Variants in OR51A4 observed in about 807,000 individuals in gnomAD.
OR51A4 encodes the protein olfactory receptor 51A4.
For synonymous variants in OR51A4, 96 were observed against 141.5 expected (o/e 0.68, Z 2.28); for missense variants, 243 against 364.0 (o/e 0.67, Z 2.70).
chr11:4,944,266 C>G lies in OR51A4; in HGVS notation c.*1893G>C, dbSNP rs1589946748. ...TAAAATGTATTCAAGATAATACTAT[C>G]CTGGAGCATCAGAGATTAGGTTTGA... On this transcript the variant is annotated 3_prime_UTR_variant, in exon 2 of 2. Coordinates refer to ENST00000641898, the MANE Select transcript of OR51A4 (RefSeq NM_001005329.2). The G allele has an allele frequency of 4.3e-6, 1 of 230,018 alleles. No homozygotes were observed. Among genetic ancestry groups the G allele is most frequent in the East Asian group, 1.4e-4 (1 of 7,314 alleles). The allele number at this position is 230,018 out of a possible 1,614,324, so 14.2% of individuals were successfully genotyped here.
rs756464920 is a variant in OR51A4, at chr11:4,944,149, A to G, written c.*2010T>C. On this transcript the variant is annotated 3_prime_UTR_variant, in exon 2 of 2. Transcript: ENST00000641898. Reference sequence around the variant, plus strand: ...TAGATAGATACAGTTATGCACCTCAAACATAGGAACAGTTCTTGCCCTGAT... The same window carrying G: ...TAGATAGATACAGTTATGCACCTCAGACATAGGAACAGTTCTTGCCCTGAT... 4.4e-6 allele frequency: 2 copies of G among 453,814 alleles called. No individual in the cohort carries two copies. The highest frequency in any genetic ancestry group is 3.1e-5 in the South Asian group (2 of 63,848). 28.1% of individuals were successfully genotyped at this position (453,814 alleles called of 1,614,324 possible).
rs1243326097 is a variant in OR51A4, at chr11:4,947,384, T to A, written c.-63+161A>T. On this transcript the variant is annotated intron_variant, in intron 1 of 1. Coordinates refer to ENST00000641898, the MANE Select transcript of OR51A4 (RefSeq NM_001005329.2). ...TTTTGTATTTAGTTACGCATCTGATTTCATTTTTTCCTGTAAAATATTAGT... is the reference window on the plus strand; with the variant it reads ...TTTTGTATTTAGTTACGCATCTGATATCATTTTTTCCTGTAAAATATTAGT... 1.6e-5 allele frequency among the ~76,000 whole-genome samples: 2 copies of A among 125,460 alleles called. 1 individual carries two copies. The highest frequency in any genetic ancestry group is 3.6e-5 in the Non-Finnish European group (2 of 55,316). The allele number at this position is 125,460 out of a possible 152,430, so 82.3% of individuals were successfully genotyped here.
chr11:4,943,473 C>T lies in OR51A4; in HGVS notation c.*2686G>A, dbSNP rs753321027. The T allele has an allele frequency of 7.0e-5, 32 of 455,946 alleles. No homozygotes were observed. The highest frequency in any genetic ancestry group is 6.4e-4 in the Admixed American group (27 of 42,508). 28.2% of individuals were successfully genotyped at this position (455,946 alleles called of 1,614,324 possible). On this transcript the variant is annotated 3_prime_UTR_variant, in exon 2 of 2. Transcript: ENST00000641898. ...TTAATCATTTGTTATTTGATAGTTA[C>T]ATTTAGACTAAGGTTTTTTTAATGC...
chr11:4,946,330 G>T lies in OR51A4; in HGVS notation c.771C>A (p.Ile257=). Residue 257 remains isoleucine, a synonymous_variant, in exon 2 of 2, where the codon ATC becomes ATA. Transcript: ENST00000641898. The part of the protein sequence containing the change: ...CAVIIFYLPI[I]NLAVVHRFAR... Reference sequence around the variant, plus strand: ...CAAAGCGGTGGACAACGGCCAGGTTGATGATGGGCAGGTAGAAGATGATCA... The same window carrying T: ...CAAAGCGGTGGACAACGGCCAGGTTTATGATGGGCAGGTAGAAGATGATCA... The T allele has an allele frequency of 6.2e-7, 1 of 1,613,884 alleles. No homozygotes were observed. Among genetic ancestry groups the T allele is most frequent in the Non-Finnish European group, 8.5e-7 (1 of 1,179,972 alleles).
In OR51A4 at chr11:4,943,805, C is replaced by T. The variant is rs11034812; in HGVS notation, c.*2354G>A. 1.7e-3 allele frequency: 735 copies of T among 430,236 alleles called. 1 individual carries two copies. Among genetic ancestry groups the T allele is most frequent in the Non-Finnish European group, 3.0e-3 (650 of 216,370 alleles). 26.7% of individuals were successfully genotyped at this position (430,236 alleles called of 1,614,324 possible). A position where few individuals can be genotyped will look rare whatever the true frequency, so the allele number is the denominator to read the frequency against. On this transcript the variant is annotated 3_prime_UTR_variant, in exon 2 of 2. Transcript: ENST00000641898. ...TGCTGACCATAAATCTTCACCTCCC[C>T]CATTGAGATTTATGTATCTTTATTT...
Position 4,944,105 on chromosome 11 carries a change from T to C in OR51A4, c.*2054A>G. 2.2e-6 allele frequency: 1 copy of C among 455,612 alleles called. No homozygotes were observed. Among genetic ancestry groups the C allele is most frequent in the South Asian group, 1.6e-5 (1 of 64,354 alleles). 28.2% of individuals were successfully genotyped at this position (455,612 alleles called of 1,614,324 possible). A position where few individuals can be genotyped will look rare whatever the true frequency, so the allele number is the denominator to read the frequency against. On this transcript the variant is annotated 3_prime_UTR_variant, in exon 2 of 2. Transcript: ENST00000641898. ...ACAACCCCAAACCCATATCTGTATT[T>C]GTAAGGTTTTGGAAAAGGTAGATAG...
rs1164752090 is a variant in OR51A4, at chr11:4,943,876, A to G, written c.*2283T>C. The G allele has an allele frequency of 2.2e-6, 1 of 449,118 alleles. No homozygotes were observed. Among genetic ancestry groups the G allele is most frequent in the Non-Finnish European group, 4.5e-6 (1 of 223,896 alleles). 27.8% of individuals were successfully genotyped at this position (449,118 alleles called of 1,614,324 possible). A position where few individuals can be genotyped will look rare whatever the true frequency, so the allele number is the denominator to read the frequency against. ...TAAGACTGTCAAAAACCCCTAAAAT[A>G]CAGATGATCTTTGATACTCTTTTAT... On this transcript the variant is annotated 3_prime_UTR_variant, in exon 2 of 2. Coordinates refer to ENST00000641898, the MANE Select transcript of OR51A4 (RefSeq NM_001005329.2).
rs554909715 is a variant in OR51A4 at position 4,944,161 on chromosome 11, G to C, written c.*1998C>G. 2.2e-6 allele frequency: 1 copy of C among 446,116 alleles called. No individual in the cohort carries two copies. The highest frequency in any genetic ancestry group is 2.0e-5 in the African/African-American group (1 of 49,492). The allele number at this position is 446,116 out of a possible 1,614,324, so 27.6% of individuals were successfully genotyped here. A position where few individuals can be genotyped will look rare whatever the true frequency, so the allele number is the denominator to read the frequency against. ...GTTATGCACCTCAAACATAGGAACA[G>C]TTCTTGCCCTGATCTGATGATAGGA... On this transcript the variant is annotated 3_prime_UTR_variant, in exon 2 of 2. Transcript: ENST00000641898.
chr11:4,946,642 C>G lies in OR51A4; in HGVS notation c.459G>C (p.Lys153Asn), dbSNP rs745850756. The G allele has an allele frequency of 6.3e-7, 1 of 1,586,908 alleles. No homozygotes were observed. The highest frequency in any genetic ancestry group is 8.6e-7 in the Non-Finnish European group (1 of 1,158,322). ...VAQIGIVFSFKSMLLVLPFPF... is the reference protein window; with the variant it reads ...VAQIGIVFSFNSMLLVLPFPF... Reference sequence around the variant, plus strand: ...GGAAGGGAAGAACCAGGAGCATGCTCTTAAAGGAGAATACTATCCCTATTT... The same window carrying G: ...GGAAGGGAAGAACCAGGAGCATGCTGTTAAAGGAGAATACTATCCCTATTT... Residue 153 changes from lysine to asparagine, a missense_variant, in exon 2 of 2, where the codon AAG becomes AAC. Lys to Asn is a moderately conservative substitution (Grantham distance 94). Transcript: ENST00000641898.
Position 4,946,449 on chromosome 11 carries a change from A to G in OR51A4, c.652T>C (p.Ser218Pro), listed in dbSNP as rs540635510. The G allele has an allele frequency of 3.6e-5, 58 of 1,609,414 alleles. No individual in the cohort carries two copies. In the South Asian group the frequency reaches 4.1e-4, roughly 11 times the overall value. The change falls in exon 2 of 2, where the codon TCT becomes CCT. Residue 218 changes from serine (S) to proline (P), a missense_variant. By Grantham distance (74) the Ser-to-Pro change is moderately conservative (BLOSUM62 -1). Coordinates refer to ENST00000641898, the MANE Select transcript of OR51A4 (RefSeq NM_001005329.2). ...LMVDFILIAV[S>P]YTLILKTVLG... is the part of the protein sequence containing the mutation. ...ACAGTCTTGAGGATCAGGGTGTAAGACACAGCAATGAGAATAAAGTCTACC... is the reference window on the plus strand; with the variant it reads ...ACAGTCTTGAGGATCAGGGTGTAAGGCACAGCAATGAGAATAAAGTCTACC...
chr11:4,943,719 G>A lies in OR51A4; in HGVS notation c.*2440C>T, dbSNP rs1589946608. 8.5e-6 allele frequency: 3 copies of A among 353,812 alleles called. No individual in the cohort carries two copies. In the East Asian group the frequency reaches 2.3e-4, roughly 27 times the overall value. 21.9% of individuals were successfully genotyped at this position (353,812 alleles called of 1,614,324 possible). A position where few individuals can be genotyped will look rare whatever the true frequency, so the allele number is the denominator to read the frequency against. On this transcript the variant is annotated 3_prime_UTR_variant, in exon 2 of 2. Transcript: ENST00000641898. ...GAACCACTGTTTAAGGAGCCCCAGA[G>A]TTGAGATTTTAATCCTCCAAAAACT...
rs763214870 is a variant in OR51A4 at position 4,946,381 on chromosome 11, A to T, written c.720T>A (p.Asn240Lys). Residue 240 changes from asparagine (N) to lysine (K), a missense_variant, in exon 2 of 2, where the codon AAT (asparagine) becomes AAA (lysine). Physicochemically the swap from Asn to Lys is moderately conservative, Grantham distance 94. Transcript: ENST00000641898. ...ASKKEQLKAL[N>K]TCVSHICAVI... ...CTGCACAGATGTGTGAAACACAAGT[A>T]TTGAGAGCCTTAAGCTGCTCCTTTT... The T allele has an allele frequency of 1.7e-5, 28 of 1,613,632 alleles. No homozygotes were observed. The highest frequency in any genetic ancestry group is 5.0e-5 in the Admixed American group (3 of 59,972).
chr11:4,943,761 A>G lies in OR51A4; in HGVS notation c.*2398T>C, dbSNP rs1359063782. ...CCAAAAACTACATTCTTCATTTCAGAAATATGTGAAAATCATTATGCTGAC... is the reference window on the plus strand; with the variant it reads ...CCAAAAACTACATTCTTCATTTCAGGAATATGTGAAAATCATTATGCTGAC... On this transcript the variant is annotated 3_prime_UTR_variant, in exon 2 of 2. Transcript: ENST00000641898. 4.2e-5 allele frequency: 16 copies of G among 377,412 alleles called. No homozygotes were observed. The highest frequency in any genetic ancestry group is 7.9e-5 in the Non-Finnish European group (15 of 190,152). 23.4% of individuals were successfully genotyped at this position (377,412 alleles called of 1,614,324 possible).
chr11:4,946,601 T>C lies in OR51A4; in HGVS notation c.500A>G (p.Asn167Ser), dbSNP rs2595987. 139,194 of 1,348,584 alleles carry C rather than the reference T, an allele frequency of 0.1. 29,915 individuals carry two copies. The highest frequency in any genetic ancestry group is 0.15 in the South Asian group (11,426 of 78,632). 83.5% of individuals were successfully genotyped at this position (1,348,584 alleles called of 1,614,324 possible). Residue 167 changes from asparagine (N) to serine (S), a missense_variant, in exon 2 of 2, where the codon AAC becomes AGC. Physicochemically the swap from Asn to Ser is conservative, Grantham distance 46. Transcript: ENST00000641898. ...LVLPFPFTLR[N>S]LRYCKKNQLS... ...TTGGTTTTTCTTGCAATATCTCAAG[T>C]TTCTTAAAGTGAAAGGGAAGGGAAG... is the stretch of plus-strand genomic sequence containing the variant.
At position 4,943,175 on chromosome 11, in the gene OR51A4, G is replaced by T; in HGVS notation, c.*2984C>A. On this transcript the variant is annotated 3_prime_UTR_variant, in exon 2 of 2. Transcript: ENST00000641898. ...TCTCACAAATGACCAATGTCCAATA[G>T]AAAAACAAAATGAAACACAGCGAAA... The T allele has an allele frequency of 5.3e-6, 1 of 187,540 alleles. No individual in the cohort carries two copies. Among genetic ancestry groups the T allele is most frequent in the South Asian group, 1.0e-4 (1 of 9,700 alleles). 11.6% of individuals were successfully genotyped at this position (187,540 alleles called of 1,614,324 possible). A position where few individuals can be genotyped will look rare whatever the true frequency, so the allele number is the denominator to read the frequency against.
rs372038181 is a variant in OR51A4, at chr11:4,943,619, C to T, written c.*2540G>A. 1.5e-4 allele frequency: 57 copies of T among 374,098 alleles called. No homozygotes were observed. In the East Asian group the frequency reaches 2.1e-3, roughly 14 times the overall value. The allele number at this position is 374,098 out of a possible 1,614,324, so 23.2% of individuals were successfully genotyped here. On this transcript the variant is annotated 3_prime_UTR_variant, in exon 2 of 2. Coordinates refer to ENST00000641898, the MANE Select transcript of OR51A4 (RefSeq NM_001005329.2). ...GTGGAAGTCAGTGACACACCCACAC[C>T]CCCAGGTTGCAACAACCGAAGATGT...
chr11:4,943,310 T>C lies in OR51A4; in HGVS notation c.*2849A>G. 3.2e-6 allele frequency: 1 copy of C among 310,858 alleles called. No homozygotes were observed. The highest frequency in any genetic ancestry group is 2.8e-5 in the South Asian group (1 of 35,462). The allele number at this position is 310,858 out of a possible 1,614,324, so 19.3% of individuals were successfully genotyped here. ...TACACTTTCATGTGTGATTAATAAG[T>C]CTTTTAACATCTCTCAAGTGAAGTC... On this transcript the variant is annotated 3_prime_UTR_variant, in exon 2 of 2. Coordinates refer to ENST00000641898, the MANE Select transcript of OR51A4 (RefSeq NM_001005329.2).
Position 4,947,261 on chromosome 11 carries a change from G to C in OR51A4, c.-62-99C>G, listed in dbSNP as rs369415916. 2.4e-5 allele frequency: 10 copies of C among 425,046 alleles called. 2 individuals are homozygous for C. The highest frequency in any genetic ancestry group is 3.6e-5 in the Non-Finnish European group (9 of 247,128). The allele number at this position is 425,046 out of a possible 1,614,324, so 26.3% of individuals were successfully genotyped here. A position where few individuals can be genotyped will look rare whatever the true frequency, so the allele number is the denominator to read the frequency against. ...ATTTATGTGGCTATCATCATGAAGA[G>C]AGATGGTTGGTTGCTGCTTTGGACT... On this transcript the variant is annotated intron_variant, in intron 1 of 1. Coordinates refer to ENST00000641898, the MANE Select transcript of OR51A4 (RefSeq NM_001005329.2).
Position 4,945,866 on chromosome 11 carries a change from T to C in OR51A4, c.*293A>G, listed in dbSNP as rs1313636033. On this transcript the variant is annotated 3_prime_UTR_variant, in exon 2 of 2. Coordinates refer to ENST00000641898, the MANE Select transcript of OR51A4 (RefSeq NM_001005329.2). Reference sequence around the variant, plus strand: ...TGTAGATAATGAGAAATCCAACTTCTGTCAGAGCTGTAAAAATTATCATTT... The same window carrying C: ...TGTAGATAATGAGAAATCCAACTTCCGTCAGAGCTGTAAAAATTATCATTT... The C allele has an allele frequency of 4.9e-6, 2 of 405,594 alleles. No homozygotes were observed. The highest frequency in any genetic ancestry group is 9.0e-6 in the Non-Finnish European group (2 of 222,428). 25.1% of individuals were successfully genotyped at this position (405,594 alleles called of 1,614,324 possible).
Sources: allele counts gnomAD v4.1 joint callset (sites outside exome capture counted in the v4.1 genomes callset), GRCh38; gene constraint gnomAD v4.1.1; transcripts MANE v1.5; gene names NCBI Gene and HGNC (gene_info 2026-07-23, HGNC 2026-07-21).